Variants in NIBAN1 observed in about 807,000 individuals in gnomAD.
The protein encoded by NIBAN1 is protein Niban 1.
Under a neutral mutation model 75.1 loss-of-function variants are expected in NIBAN1, and 81 were observed. The observed-to-expected ratio is 1.08, with a 90% CI of 0.90 to 1.30. The LOEUF is 1.30. Ranked by LOEUF, NIBAN1 falls within the 50% of genes most tolerant of loss-of-function variation. The pLI is 0.00. For missense variants in NIBAN1, 1,133 were observed against 1,128.1 expected (o/e 1.00, Z -0.06); for synonymous variants, 436 against 424.8 (o/e 1.03, Z -0.32).
At chr1:184,911,062 TACACACACACAC>T (rs35550596) in intron 1 of NIBAN1, among the ~76,000 whole-genome samples, 5 of 144,436 alleles carry the variant, frequency 3.5e-5, no homozygotes, top group Admixed American at 2.8e-4. Flanking sequence ...TTATAACAAA[TACACACACACAC>T]ACACACACAC....
chr1:184,871,727 A>G (rs1656114623), intron 5 of NIBAN1, among the ~76,000 whole-genome samples: 1 of 152,254 alleles, frequency 6.6e-6, no homozygotes, highest in Admixed American at 6.5e-5. Flanking sequence ...TGAATACCAG[A>G]ATCAAAGAAC....
chr1:184,925,164 C>A (rs1487470354), intron 1 of NIBAN1, among the ~76,000 whole-genome samples: 1 of 151,804 alleles, frequency 6.6e-6, no homozygotes, highest in African/African-American at 2.4e-5. Flanking sequence ...TAAAATGACC[C>A]CTTTTGTCTC....
intron 1 of NIBAN1, among the ~76,000 whole-genome samples, chr1:184,920,286 T>G (rs1198477747): frequency 6.6e-6 from 1 of 152,188 alleles, no homozygotes; most frequent in Non-Finnish European, 1.5e-5. Flanking sequence ...TGTACAGATT[T>G]ATGGGATACA....
chr1:184,826,444 A>G (rs1163730882), intron 6 of NIBAN1, among the ~76,000 whole-genome samples: 2 of 152,230 alleles, frequency 1.3e-5, no homozygotes, highest in African/African-American at 4.8e-5. Flanking sequence ...TAATAGATTC[A>G]GTGGGTAATT....
intron 5 of NIBAN1, among the ~76,000 whole-genome samples, chr1:184,858,254 G>C (rs754430888): frequency 2.0e-5 from 3 of 151,670 alleles, no homozygotes; most frequent in Non-Finnish European, 4.4e-5. Context: ...AGAAAAAGAA[G>C]GAAGGAATGA....
At chr1:184,922,049 T>TC (rs1174902549) in intron 1 of NIBAN1, among the ~76,000 whole-genome samples, 1 of 152,128 alleles carries the variant, frequency 6.6e-6, no homozygotes, top group Non-Finnish European at 1.5e-5. Context: ...GGAATTACTC[T>TC]CCCCACAACT....
At chr1:184,899,848 A>C in intron 1 of NIBAN1, among the ~76,000 whole-genome samples, 1 of 121,272 alleles carries the variant, frequency 8.2e-6, no homozygotes, top group Non-Finnish European at 1.6e-5. Flanking sequence ...CAGAGTGTCC[A>C]TCTTGCTGCC....
At chr1:184,895,018 TA>T (rs1305102554) in intron 2 of NIBAN1, among the ~76,000 whole-genome samples, 2 of 152,092 alleles carry the variant, frequency 1.3e-5, no homozygotes, top group Non-Finnish European at 2.9e-5. Context: ...TTCCCTTTAT[TA>T]AAAAATCATA....
In NIBAN1 at chr1:184,859,032, A is replaced by C. The variant is rs202199357; in HGVS notation, c.601+25601T>G. The stretch of plus-strand genomic sequence containing the variant: ...TATTGAGAAAAATATGGAAAGATAC[A>C]TACAGGAATTTTAATTCCTACAGGA... On this transcript the variant is annotated intron_variant, in intron 5 of 13. Coordinates refer to ENST00000367511, the MANE Select transcript of NIBAN1 (RefSeq NM_052966.4). Among the ~76,000 whole-genome samples the C allele has an allele frequency of 9.2e-5, 14 of 152,226 alleles. No individual in the cohort carries two copies. In the East Asian group the frequency reaches 2.7e-3, roughly 29 times the overall value.
intron 1 of NIBAN1, among the ~76,000 whole-genome samples, chr1:184,956,296 G>A (rs1207955377): frequency 2.0e-5 from 3 of 152,150 alleles, no homozygotes; most frequent in Admixed American, 2.0e-4. Flanking sequence ...CTAAGGTGCT[G>A]GAATATGCCC....
chr1:184,931,729 T>C (rs1480875902), intron 1 of NIBAN1, among the ~76,000 whole-genome samples: 3 of 152,172 alleles, frequency 2.0e-5, no homozygotes, highest in African/African-American at 7.2e-5. Flanking sequence ...TGCCAAGCCA[T>C]ACAAGAAGGC....
chr1:184,843,012 C>T (rs985014121), intron 5 of NIBAN1, among the ~76,000 whole-genome samples: 1 of 152,202 alleles, frequency 6.6e-6, no homozygotes, highest in East Asian at 1.9e-4. Context: ...AAAAGGTCTA[C>T]TCTGTCAACT....
chr1:184,839,509 A>G (rs1490967017), intron 5 of NIBAN1, among the ~76,000 whole-genome samples: 1 of 151,070 alleles, frequency 6.6e-6, no homozygotes, highest in Admixed American at 6.6e-5. Context: ...GCAGTCCAAC[A>G]TTTTTATTCA....
intron 1 of NIBAN1, among the ~76,000 whole-genome samples, chr1:184,953,757 G>T (rs1250830143): frequency 6.6e-6 from 1 of 152,204 alleles, no homozygotes; most frequent in East Asian, 1.9e-4. Context: ...ATACCGAAGG[G>T]AGGAAATGCT....
intron 5 of NIBAN1, among the ~76,000 whole-genome samples, chr1:184,869,407 A>T (rs234646): frequency 0.028 from 4,202 of 152,266 alleles, 198 homozygotes; most frequent in African/African-American, 0.096. Context: ...TTGCTATTAG[A>T]TTCAGGATTA....
intron 5 of NIBAN1, among the ~76,000 whole-genome samples, chr1:184,872,816 G>C (rs1236134117): frequency 6.6e-6 from 1 of 152,026 alleles, no homozygotes; most frequent in Non-Finnish European, 1.5e-5. Flanking sequence ...GGAAATAATG[G>C]CTGAGAATTT....
rs768156104 is a variant in NIBAN1, at chr1:184,928,498, C to T, written c.56-29189G>A. 2.6e-5 allele frequency among the ~76,000 whole-genome samples: 4 copies of T among 152,174 alleles called. No homozygotes were observed. In the East Asian group the frequency reaches 5.8e-4, roughly 22 times the overall value. ...CCCAAAGTACTTTAGCTTGCCAGCA[C>T]TCAGGTTCTGACCACTGGGATGCGT... is the stretch of plus-strand genomic sequence containing the variant. On this transcript the variant is annotated intron_variant, in intron 1 of 13. Transcript: ENST00000367511.
chr1:184,808,263 A>C (rs1557871971), intron 9 of NIBAN1, 28 bp from the exon 10 acceptor site: 1 of 1,610,002 alleles, frequency 6.2e-7, no homozygotes, highest in South Asian at 1.1e-5. Context: ...GAAACATTAA[A>C]CACCCTCAGA....
intron 1 of NIBAN1, among the ~76,000 whole-genome samples, chr1:184,904,160 T>A (rs1235712888): frequency 1.3e-5 from 2 of 152,060 alleles, no homozygotes; most frequent in African/African-American, 4.8e-5. Flanking sequence ...CCTCCCAAAG[T>A]GCTGGGATTA....
Sources: allele counts gnomAD v4.1 joint callset (sites outside exome capture counted in the v4.1 genomes callset), GRCh38; gene constraint gnomAD v4.1.1; transcripts MANE v1.5; gene names NCBI Gene and HGNC (gene_info 2026-07-23, HGNC 2026-07-21).